The following SULT1C3 variants were observed in gnomAD, a reference collection of about 807,000 sequenced individuals.
The protein encoded by SULT1C3 is sulfotransferase 1C3.
SULT1C3 carries 31 observed loss-of-function variants against 28.4 expected under a neutral mutation model. The observed-to-expected ratio is 1.09, with a 90% CI of 0.82 to 1.47. The LOEUF (loss-of-function observed/expected upper bound fraction) is 1.47, where lower values mean the gene tolerates loss of function less well. Ranked by LOEUF, SULT1C3 falls within the 40% of genes most tolerant of loss-of-function variation. SULT1C3 has a pLI of 0.00. For synonymous variants in SULT1C3, 106 were observed against 92.2 expected, an observed-to-expected ratio of 1.15 and a Z score of -0.86; for missense variants, 307 against 272.5, an observed-to-expected ratio of 1.13 and a Z score of -0.89.
downstream of SULT1C3, among the ~76,000 whole-genome samples, chr2:108,263,938 T>C (rs1261807182): frequency 6.6e-6 from 1 of 152,230 alleles, no homozygotes; most frequent in African/African-American, 2.4e-5. Context: ...CCAGATATCT[T>C]TATCTGCAAA....
chr2:108,248,992 T>C lies in SULT1C3; in HGVS notation c.172+1626T>C, dbSNP rs569681876. Among the ~76,000 whole-genome samples the C allele has an allele frequency of 2.6e-5, 4 of 152,290 alleles. No individual in the cohort carries two copies. In the South Asian group the frequency reaches 8.3e-4, roughly 32 times the overall value. On this transcript the variant is annotated intron_variant, in intron 2 of 7. Transcript: ENST00000681802. ...GTTCACTGCATGATTATAGATTTAATGATGAAGAGAGAAAGTATCAACAAA... is the reference window on the plus strand; with the variant it reads ...GTTCACTGCATGATTATAGATTTAACGATGAAGAGAGAAAGTATCAACAAA...
Position 108,256,812 on chromosome 2 carries a change from A to G in SULT1C3, c.526+1114A>G, listed in dbSNP as rs144312314. On this transcript the variant is annotated intron_variant, in intron 5 of 7. Transcript: ENST00000681802. ...TCTCTCCAGTGAATCAAGAGAGATA[A>G]CCTCATTAGAACATTTTCTCTAGAA... is the stretch of plus-strand genomic sequence containing the variant. 3.9e-5 allele frequency among the ~76,000 whole-genome samples: 6 copies of G among 152,254 alleles called. No individual in the cohort carries two copies. The East Asian group carries it at 1.2e-3, about 29-fold the overall frequency.
chr2:108,258,811 T>C lies in SULT1C3; in HGVS notation c.604T>C (p.Tyr202His), dbSNP rs111455491. 30,434 of 1,612,046 alleles carry C rather than the reference T, an allele frequency of 0.019. 497 individuals carry two copies. Among genetic ancestry groups the C allele is most frequent in the South Asian group, 0.059 (5,379 of 90,852 alleles). The change falls in exon 6 of 8, where the codon TAC (tyrosine) becomes CAC (histidine). Residue 202 changes from tyrosine (Y) to histidine (H), a missense_variant. Transcript: ENST00000681802. ...CATGCACCGGATCCTCTACCTCTTC[T>C]ACGAGGATATTAAAAAAGTAAGTGG... ...KDMHRILYLF[Y>H]EDIKKNPKHE...
intron 1 of SULT1C3, among the ~76,000 whole-genome samples, chr2:108,244,732 T>C (rs1219736209): frequency 6.6e-6 from 1 of 152,138 alleles, no homozygotes; most frequent in Non-Finnish European, 1.5e-5. Flanking sequence ...AGTCCTGCAA[T>C]GAGAAGGGAA....
chr2:108,250,540 TC>T (rs1392444242), intron 2 of SULT1C3, among the ~76,000 whole-genome samples: 1 of 151,812 alleles, frequency 6.6e-6, no homozygotes, highest in African/African-American at 2.4e-5. Context: ...GCAACTCCAA[TC>T]CTAGAGATTC....
At chr2:108,259,272 C>A (rs1299726734) in intron 7 of SULT1C3, 126 bp downstream of exon 7, 2 of 210,066 alleles carry the variant, frequency 9.5e-6, no homozygotes, top group African/African-American at 4.6e-5. Context: ...TCTCTGCTCC[C>A]TTCACCCTGC....
intron 1 of SULT1C3, among the ~76,000 whole-genome samples, chr2:108,242,925 CTT>C (rs1553413905): frequency 6.6e-6 from 1 of 152,120 alleles, no homozygotes; most frequent in Non-Finnish European, 1.5e-5. Flanking sequence ...TCCAGAAAAA[CTT>C]TTAAATATAC....
chr2:108,257,267 T>C (rs1000860368), intron 5 of SULT1C3, among the ~76,000 whole-genome samples: 6 of 152,006 alleles, frequency 3.9e-5, no homozygotes, highest in Non-Finnish European at 8.8e-5. Flanking sequence ...CTCAAGGCTG[T>C]TATATCAAAT....
At chr2:108,252,573 C>A in intron 3 of SULT1C3, 80 bp downstream of exon 3, 1 of 1,518,542 alleles carries the variant, frequency 6.6e-7, no homozygotes, top group Non-Finnish European at 8.9e-7. Flanking sequence ...ATAGAGCATC[C>A]GTGGTAGCCA....
rs746160007 is a variant in SULT1C3 at position 108,255,552 on chromosome 2, T to C, written c.400-20T>C. On this transcript the variant is annotated intron_variant, in intron 4 of 7. Coordinates refer to ENST00000681802, the MANE Select transcript of SULT1C3 (RefSeq NM_001320878.2). ...GTCTATTTTTCTCTCCATGGCTTCC[T>C]TCCCTCTCCTTGATTTCAGATTGTC... 6.2e-7 allele frequency: 1 copy of C among 1,607,998 alleles called. No homozygotes were observed.
intron 1 of SULT1C3, among the ~76,000 whole-genome samples, chr2:108,246,667 T>C (rs1433762575): frequency 6.6e-6 from 1 of 152,188 alleles, no homozygotes; most frequent in East Asian, 1.9e-4. Context: ...CTACATGAAA[T>C]TATGTTTTTT....
chr2:108,262,301 A>G (rs1365334536), downstream of SULT1C3, among the ~76,000 whole-genome samples: 1 of 152,146 alleles, frequency 6.6e-6, no homozygotes, highest in Non-Finnish European at 1.5e-5. Flanking sequence ...TACCTCAGAG[A>G]GGAGGAGGCA....
At chr2:108,250,957 T>C (rs1236757679) in intron 2 of SULT1C3, among the ~76,000 whole-genome samples, 1 of 152,052 alleles carries the variant, frequency 6.6e-6, no homozygotes, top group Non-Finnish European at 1.5e-5. Flanking sequence ...TTATCTATGG[T>C]AATGGCTACA....
chr2:108,243,892 C>A (rs1675524508), intron 1 of SULT1C3, among the ~76,000 whole-genome samples: 1 of 152,164 alleles, frequency 6.6e-6, no homozygotes, highest in African/African-American at 2.4e-5. Context: ...AAGAAGACAG[C>A]CACCATTGTA....
At position 108,247,215 on chromosome 2, in the gene SULT1C3, C is replaced by T. The variant is rs781193783; in HGVS notation, c.21C>T (p.Asn7=). The T allele has an allele frequency of 3.8e-5, 58 of 1,524,610 alleles. No individual in the cohort carries two copies. In the East Asian group the frequency reaches 4.5e-4, roughly 12 times the overall value. The allele number at this position is 1,524,610 out of a possible 1,614,324, so 94.4% of individuals were successfully genotyped here. ...TCCCAATGGCGAAGATTGAGAAAAA[C>T]GCTCCCACGATGGAAAAAAAGCCAG... MAKIEK[N]APTMEKKPEL... The change falls in exon 2 of 8, where the codon AAC becomes AAT. Residue 7 remains asparagine (N), a synonymous_variant. Transcript: ENST00000681802.
At chr2:108,263,614 T>A (rs536121779), downstream of SULT1C3, among the ~76,000 whole-genome samples, 9 of 152,188 alleles carry the variant, frequency 5.9e-5, no homozygotes, top group Non-Finnish European at 1.2e-4. Context: ...GCACTCTTTG[T>A]TTCAGGGGCT....
chr2:108,255,742 C>G (rs1376415011), intron 5 of SULT1C3, 44 bp downstream of exon 5: 1 of 1,591,330 alleles, frequency 6.3e-7, no homozygotes. Flanking sequence ...TCAGGTGACT[C>G]TAACAATAAG....
At chr2:108,258,356 A>C (rs1675929298) in intron 5 of SULT1C3, among the ~76,000 whole-genome samples, 1 of 152,110 alleles carries the variant, frequency 6.6e-6, no homozygotes, top group Non-Finnish European at 1.5e-5. Flanking sequence ...CTTTTGGAAG[A>C]GGAACTTGCA....
chr2:108,240,160 A>G (rs902916672), intron 1 of SULT1C3, among the ~76,000 whole-genome samples, 77 bp downstream of exon 1: 13 of 152,204 alleles, frequency 8.5e-5, no homozygotes, highest in African/African-American at 3.1e-4. Flanking sequence ...CGGGATATTC[A>G]ACCCTTGTTA....
Sources: allele counts gnomAD v4.1 joint callset (sites outside exome capture counted in the v4.1 genomes callset), GRCh38; gene constraint gnomAD v4.1.1; transcripts MANE v1.5; gene names NCBI Gene and HGNC (gene_info 2026-07-23, HGNC 2026-07-21).